GRID2: variants seen among roughly 807,000 people sequenced by gnomAD.
The protein encoded by GRID2 is glutamate receptor ionotropic, delta-2.
GRID2 carries 33 observed loss-of-function variants against 114.8 expected under a neutral mutation model. That is an observed-to-expected ratio of 0.29 (90% confidence interval 0.22 to 0.38). The LOEUF is 0.38. GRID2 is among the 10% of genes least tolerant of loss of function. The probability of loss-of-function intolerance (pLI) is 1.00; values close to 1 mark genes in which losing one functional copy is unlikely to be tolerated. For missense variants in GRID2, 1,184 were observed against 1,257.7 expected, an observed-to-expected ratio of 0.94 and a Z score of 0.89; for synonymous variants, 505 against 449.9, an observed-to-expected ratio of 1.12 and a Z score of -1.55.
intron 1 of GRID2, among the ~76,000 whole-genome samples, chr4:92,358,512 G>A (rs1188681885): frequency 6.6e-6 from 1 of 151,878 alleles, no homozygotes; most frequent in Non-Finnish European, 1.5e-5. Context: ...GAGGAATTAG[G>A]GAAGTAGAAA....
At chr4:92,757,270 G>A (rs889438641) in intron 2 of GRID2, among the ~76,000 whole-genome samples, 2 of 152,030 alleles carry the variant, frequency 1.3e-5, no homozygotes, top group African/African-American at 4.8e-5. Context: ...ACAGATCAAT[G>A]AACAGAATCT....
intron 1 of GRID2, among the ~76,000 whole-genome samples, chr4:92,426,400 A>G (rs1732157525): frequency 6.6e-6 from 1 of 152,158 alleles, no homozygotes; most frequent in South Asian, 2.1e-4. Flanking sequence ...AGGATGTGAT[A>G]AATAATGTAA....
At chr4:93,030,820 A>T (rs1461343263) in intron 2 of GRID2, among the ~76,000 whole-genome samples, 1 of 152,024 alleles carries the variant, frequency 6.6e-6, no homozygotes, top group Non-Finnish European at 1.5e-5. Flanking sequence ...GAGGAAGGGG[A>T]TGAGACAGAG....
intron 2 of GRID2, among the ~76,000 whole-genome samples, chr4:93,031,928 G>A (rs1724476364): frequency 6.6e-6 from 1 of 152,066 alleles, no homozygotes; most frequent in Non-Finnish European, 1.5e-5. Context: ...AAATTTGCCA[G>A]CAGATTCTGT....
At chr4:93,381,966 T>C (rs1763894732) in intron 8 of GRID2, among the ~76,000 whole-genome samples, 1 of 152,108 alleles carries the variant, frequency 6.6e-6, no homozygotes, top group Non-Finnish European at 1.5e-5. Flanking sequence ...AACTTTTGTA[T>C]ACCTAGAAAT....
At chr4:93,505,539 G>A (rs1728543787) in intron 12 of GRID2, among the ~76,000 whole-genome samples, 1 of 150,314 alleles carries the variant, frequency 6.7e-6, no homozygotes, top group Non-Finnish European at 1.5e-5. Context: ...CAGGATAATT[G>A]AATGTACAGA....
intron 14 of GRID2, among the ~76,000 whole-genome samples, chr4:93,668,112 G>A (rs1724102263): frequency 6.6e-6 from 1 of 151,872 alleles, no homozygotes; most frequent in Non-Finnish European, 1.5e-5. Flanking sequence ...GCCAACAATA[G>A]CTTAGTAATA....
intron 14 of GRID2, among the ~76,000 whole-genome samples, chr4:93,671,595 G>A (rs1724419792): frequency 2.0e-5 from 3 of 152,136 alleles, no homozygotes; most frequent in Admixed American, 1.3e-4. Flanking sequence ...ACCTCACAGG[G>A]ATGTTTGTCA....
At chr4:93,699,944 A>G (rs1430435930) in intron 14 of GRID2, among the ~76,000 whole-genome samples, 1 of 152,134 alleles carries the variant, frequency 6.6e-6, no homozygotes, top group Non-Finnish European at 1.5e-5. Context: ...AACCAACTGA[A>G]ATTCAATGAC....
At chr4:92,563,429 A>G (rs892059408) in intron 1 of GRID2, among the ~76,000 whole-genome samples, 1 of 152,118 alleles carries the variant, frequency 6.6e-6, no homozygotes, top group African/African-American at 2.4e-5. Context: ...TTTTATGCTT[A>G]TAGTGGTTTA....
intron 8 of GRID2, among the ~76,000 whole-genome samples, chr4:93,290,188 C>T (rs957042225): frequency 6.6e-6 from 1 of 152,110 alleles, no homozygotes; most frequent in African/African-American, 2.4e-5. Flanking sequence ...AAATAAATTT[C>T]ATGTTCAAGT....
intron 14 of GRID2, among the ~76,000 whole-genome samples, chr4:93,744,087 C>A (rs1053868137): frequency 6.6e-6 from 1 of 152,164 alleles, no homozygotes; most frequent in African/African-American, 2.4e-5. Context: ...ACATTTTAAG[C>A]CCAATGTGGA....
chr4:93,244,612 G>T (rs7676950), intron 8 of GRID2, among the ~76,000 whole-genome samples: 3 of 43,766 alleles, frequency 6.9e-5, no homozygotes, highest in Non-Finnish European at 1.4e-4. Context: ...TTAATTAATA[G>T]ATTATATAAT....
At chr4:93,012,454 A>G (rs1355889040) in intron 2 of GRID2, among the ~76,000 whole-genome samples, 2 of 152,046 alleles carry the variant, frequency 1.3e-5, no homozygotes, top group Non-Finnish European at 2.9e-5. Flanking sequence ...CACCTGTACA[A>G]CAGAATTAGT....
At chr4:92,785,810 T>C (rs1739294870) in intron 2 of GRID2, among the ~76,000 whole-genome samples, 1 of 151,852 alleles carries the variant, frequency 6.6e-6, no homozygotes, top group African/African-American at 2.4e-5. Context: ...ACAAAGATTT[T>C]TGAATACTTT....
rs183439066 is a variant in GRID2 at position 93,241,171 on chromosome 4, G to C, written c.1245+2681G>C. 5.3e-5 allele frequency among the ~76,000 whole-genome samples: 8 copies of C among 151,816 alleles called. No homozygotes were observed. In the East Asian group the frequency reaches 1.5e-3, roughly 29 times the overall value. On this transcript the variant is annotated intron_variant, in intron 8 of 15. Coordinates refer to ENST00000282020, the MANE Select transcript of GRID2 (RefSeq NM_001510.4). The stretch of plus-strand genomic sequence containing the variant: ...TAAATGTCATTTTCTGTTTGCTGCT[G>C]TATATACAAATGATATTTTATATTG...
intron 9 of GRID2, among the ~76,000 whole-genome samples, chr4:93,414,005 G>T (rs967148528): frequency 1.3e-5 from 2 of 152,058 alleles, no homozygotes; most frequent in Non-Finnish European, 2.9e-5. Context: ...AATCAGTCAA[G>T]GACAGTCCCA....
rs909587186 is a variant in GRID2, at chr4:93,027,841, A to G, written c.245-57154A>G. On this transcript the variant is annotated intron_variant, in intron 2 of 15. Coordinates refer to ENST00000282020, the MANE Select transcript of GRID2 (RefSeq NM_001510.4). ...GGTTGTTAATATAAAAGTTATTTCT[A>G]AAAGCACCACACATACCTATTAATA... Among the ~76,000 whole-genome samples, 3 of 152,272 alleles carry G rather than the reference A, an allele frequency of 2.0e-5. No homozygotes were observed. The East Asian group carries it at 5.8e-4, about 29-fold the overall frequency.
At chr4:92,544,621 A>G (rs1334039972) in intron 1 of GRID2, among the ~76,000 whole-genome samples, 2 of 152,200 alleles carry the variant, frequency 1.3e-5, no homozygotes, top group Non-Finnish European at 2.9e-5. Flanking sequence ...GCACTGACGC[A>G]GTTCAGCCTT....
Sources: gnomAD v4.1 joint callset for allele counts (sites outside exome capture counted in the v4.1 genomes callset) on GRCh38, gnomAD v4.1.1 for gene constraint, MANE v1.5 for transcripts, NCBI Gene and HGNC (gene_info 2026-07-23, HGNC 2026-07-21) for gene names.